Variants in FMNL3 observed in about 807,000 individuals in gnomAD.
FMNL3 encodes formin like 3.
Under a neutral mutation model 119.6 loss-of-function variants are expected in FMNL3, and 57 were observed. The observed-to-expected ratio is 0.48, with a 90% confidence interval of 0.39 to 0.59. The LOEUF (loss-of-function observed/expected upper bound fraction) is 0.59, where lower values mean the gene tolerates loss of function less well. FMNL3 is among the 20% of genes least tolerant of loss of function. The probability of loss-of-function intolerance (pLI) is 0.00; values close to 1 mark genes in which losing one functional copy is unlikely to be tolerated. For synonymous variants in FMNL3, 491 were observed against 507.3 expected (o/e 0.97, Z 0.43); for missense variants, 1,053 against 1,323.5 (o/e 0.80, Z 3.17).
intron 1 of FMNL3, among the ~76,000 whole-genome samples, chr12:49,701,244 G>A: frequency 6.6e-6 from 1 of 152,112 alleles, no homozygotes; most frequent in East Asian, 1.9e-4. Flanking sequence ...ATAGTAGATG[G>A]TGAGATTATA....
In FMNL3 at chr12:49,641,901, C is replaced by A; in HGVS notation, c.*3914G>T. 1 of 1,612,120 alleles carries A rather than the reference C, an allele frequency of 6.2e-7. No homozygotes were observed. The highest frequency in any genetic ancestry group is 8.5e-7 in the Non-Finnish European group (1 of 1,179,496). On this transcript the variant is annotated 3_prime_UTR_variant, in exon 26 of 26. Transcript: ENST00000335154. ...TGCCCCTGCTTCATGCACTGCTGTACCCACAGGACCGGGGCTTCTGCGTGG... is the reference window on the plus strand; with the variant it reads ...TGCCCCTGCTTCATGCACTGCTGTAACCACAGGACCGGGGCTTCTGCGTGG...
At chr12:49,653,053 C>T (rs1358460346) in intron 13 of FMNL3, among the ~76,000 whole-genome samples, 173 bp downstream of exon 13, 1 of 152,098 alleles carries the variant, frequency 6.6e-6, no homozygotes, top group African/African-American at 2.4e-5. Flanking sequence ...CACCTTTCCT[C>T]TCCAACTAAA....
rs372491384 is a variant in FMNL3, at chr12:49,698,637, G to A, written c.126+8418C>T. On this transcript the variant is annotated intron_variant, in intron 1 of 25. Transcript: ENST00000335154. ...AAAGCGTAAGAGAACCTGGAAAGAGGAAGATTCTAAAAGAGGAAAAGAGAA... is the reference window on the plus strand; with the variant it reads ...AAAGCGTAAGAGAACCTGGAAAGAGAAAGATTCTAAAAGAGGAAAAGAGAA... 4.6e-3 allele frequency among the ~76,000 whole-genome samples: 699 copies of A among 152,236 alleles called. 1 individual carries two copies. Among genetic ancestry groups the A allele is most frequent in the Non-Finnish European group, 7.5e-3 (507 of 68,008 alleles).
At chr12:49,672,918 C>G (rs1944084588) in intron 1 of FMNL3, among the ~76,000 whole-genome samples, 1 of 152,196 alleles carries the variant, frequency 6.6e-6, no homozygotes, top group South Asian at 2.1e-4. Flanking sequence ...ATCTTAGGAA[C>G]AGAGACCAAA....
intron 4 of FMNL3, among the ~76,000 whole-genome samples, chr12:49,662,360 T>A (rs1435608213): frequency 6.6e-6 from 1 of 152,188 alleles, no homozygotes; most frequent in African/African-American, 2.4e-5. Context: ...TCTGCATCCC[T>A]CCACATGTCC....
In FMNL3 at chr12:49,668,390, C is replaced by T. The variant is rs993651621; in HGVS notation, c.210+81G>A. 6.8e-6 allele frequency: 9 copies of T among 1,327,620 alleles called. No homozygotes were observed. The South Asian group carries it at 1.1e-4, about 16-fold the overall frequency. The allele number at this position is 1,327,620 out of a possible 1,614,324, so 82.2% of individuals were successfully genotyped here. The stretch of plus-strand genomic sequence containing the variant: ...GGGTTCCTCAAGGAACCCAAGGCTG[C>T]ACTCAATGCCTTTGGCCCCACAGCC... On this transcript the variant is annotated intron_variant, in intron 2 of 25. Transcript: ENST00000335154.
At chr12:49,701,754 T>C (rs1448165092) in intron 1 of FMNL3, among the ~76,000 whole-genome samples, 2 of 152,004 alleles carry the variant, frequency 1.3e-5, no homozygotes, top group Middle Eastern at 3.4e-3. Flanking sequence ...TGAAACCCCG[T>C]CTCTACTAAA....
chr12:49,652,125 A>G lies in FMNL3; in HGVS notation c.1411T>C (p.Leu471=). 3 of 1,613,282 alleles carry G rather than the reference A, an allele frequency of 1.9e-6. No individual in the cohort carries two copies. The South Asian group carries it at 3.3e-5, about 18-fold the overall frequency. ...TCCAGGCCCCGGACATTTGGCTCCA[A>G]ATGACATCGACGCTGAAAGGCCTCC... ...KEEAFQRRCH[L]EPNVRGLESV... is the part of the protein sequence containing the mutation. Residue 471 remains leucine (L), a synonymous_variant, in exon 14 of 26, where the codon TTG becomes CTG. Transcript: ENST00000335154.
chr12:49,656,565 T>C, intron 8 of FMNL3, 68 bp from the exon 9 acceptor site: 1 of 1,413,620 alleles, frequency 7.1e-7, no homozygotes, highest in Non-Finnish European at 9.9e-7. Context: ...CTCATTTCCC[T>C]GACTGGGTAA....
At chr12:49,675,782 TC>T (rs1944169584) in intron 1 of FMNL3, among the ~76,000 whole-genome samples, 1 of 152,204 alleles carries the variant, frequency 6.6e-6, no homozygotes, top group Non-Finnish European at 1.5e-5. Context: ...GGTTCAGAAA[TC>T]TTTTTTGACT....
At chr12:49,651,025 T>C (rs1380819451) in intron 16 of FMNL3, 143 bp downstream of exon 16, 3 of 1,451,160 alleles carry the variant, frequency 2.1e-6, no homozygotes, top group Non-Finnish European at 2.9e-6. Flanking sequence ...ACTAGAAATA[T>C]ACGTACACTC....
chr12:49,705,608 T>C (rs888055558), intron 1 of FMNL3, among the ~76,000 whole-genome samples: 2 of 152,162 alleles, frequency 1.3e-5, no homozygotes, highest in Non-Finnish European at 2.9e-5. Context: ...GGGCTCTTGT[T>C]CTCAAGGCCA....
Position 49,642,449 on chromosome 12 carries a change from G to C in FMNL3, c.*3366C>G. 1.9e-6 allele frequency: 3 copies of C among 1,581,590 alleles called. No individual in the cohort carries two copies. Among genetic ancestry groups the C allele is most frequent in the Admixed American group, 1.7e-5 (1 of 59,524 alleles). On this transcript the variant is annotated 3_prime_UTR_variant, in exon 26 of 26. Transcript: ENST00000335154. The surrounding 1 kb of genome is among the most constrained non-coding windows in gnomAD (Gnocchi z 5.8). ...GCTTCACCACTGAGGGCCCACCCCA[G>C]TCACGTCACAGCCCTGGGCCAGCTC...
At chr12:49,668,946 C>T (rs974579789) in intron 1 of FMNL3, among the ~76,000 whole-genome samples, 2 of 152,068 alleles carry the variant, frequency 1.3e-5, no homozygotes, top group African/African-American at 4.8e-5. Flanking sequence ...GTGACGGGAA[C>T]ATGAGATGGG....
intron 1 of FMNL3, among the ~76,000 whole-genome samples, chr12:49,692,225 C>T (rs761567837): frequency 2.9e-4 from 44 of 151,510 alleles, no homozygotes; most frequent in Non-Finnish European, 5.5e-4. Context: ...TGGTGGTGCA[C>T]GCCTGTAGTC....
intron 1 of FMNL3, among the ~76,000 whole-genome samples, chr12:49,688,951 C>T (rs1051925189): frequency 5.9e-5 from 9 of 151,596 alleles, no homozygotes; most frequent in African/African-American, 2.2e-4. Context: ...AACATTTTAC[C>T]CTAAAGAAAG....
At chr12:49,646,726 C>T (rs1258212792) in intron 25 of FMNL3, 160 bp downstream of exon 25, 4 of 1,558,288 alleles carry the variant, frequency 2.6e-6, no homozygotes, top group Non-Finnish European at 3.5e-6. Flanking sequence ...CTTGGCAGTA[C>T]GGGCCGTGAA....
chr12:49,706,920 G>A (rs922607783), intron 1 of FMNL3, 135 bp downstream of exon 1: 39 of 1,060,344 alleles, frequency 3.7e-5, no homozygotes, highest in Non-Finnish European at 2.8e-5. Flanking sequence ...TTCCTGGGAA[G>A]ACACTGGAGG....
Position 49,636,874 on chromosome 12 carries a change from C to T in FMNL3, c.*8941G>A, listed in dbSNP as rs1422097951. On this transcript the variant is annotated 3_prime_UTR_variant, in exon 26 of 26. Transcript: ENST00000335154. ...GGTATCTTTGCTGTCCTTTCTAGAT[C>T]AGAGCTCAGCTCTGCCCTAGAGCAC... The T allele has an allele frequency of 6.2e-7, 1 of 1,612,722 alleles. No individual in the cohort carries two copies. The highest frequency in any genetic ancestry group is 1.7e-5 in the Admixed American group (1 of 60,016).
Sources: gnomAD v4.1 joint callset for allele counts (sites outside exome capture counted in the v4.1 genomes callset) on GRCh38, gnomAD v4.1.1 for gene constraint, Gnocchi (gnomAD v3.1) non-coding constraint, MANE v1.5 for transcripts, NCBI Gene and HGNC (gene_info 2026-07-23, HGNC 2026-07-21) for gene names.